The following CEP70 variants were observed in gnomAD, a reference collection of about 807,000 sequenced individuals.
CEP70 encodes centrosomal protein 70.
CEP70 carries 70 observed loss-of-function variants against 90.9 expected under a neutral mutation model. The observed-to-expected ratio is 0.77, with a 90% CI of 0.64 to 0.94. The LOEUF is 0.94. Ranked by LOEUF, CEP70 falls within the 40% of genes least tolerant of loss-of-function variation. The pLI is 0.00. For missense variants in CEP70, 648 were observed against 669.0 expected (o/e 0.97, Z 0.35); for synonymous variants, 220 against 228.3 (o/e 0.96, Z 0.33).
At chr3:138,563,256 C>T (rs540646275) in intron 6 of CEP70, among the ~76,000 whole-genome samples, 5 of 152,104 alleles carry the variant, frequency 3.3e-5, no homozygotes, top group African/African-American at 1.2e-4. Flanking sequence ...TAGTGGGAGA[C>T]TTTAACACCC....
intron 6 of CEP70, among the ~76,000 whole-genome samples, chr3:138,558,578 C>T (rs773417505): frequency 6.6e-6 from 1 of 152,020 alleles, no homozygotes; most frequent in Admixed American, 6.6e-5. Context: ...CACACTACAC[C>T]CTAGGAATAA....
At chr3:138,579,525 C>T (rs1176218914) in intron 2 of CEP70, among the ~76,000 whole-genome samples, 1 of 151,710 alleles carries the variant, frequency 6.6e-6, no homozygotes, top group Non-Finnish European at 1.5e-5. Context: ...GATACCAGCT[C>T]AGTCACAGTA....
chr3:138,564,870 T>G (rs2040671506), intron 6 of CEP70, among the ~76,000 whole-genome samples: 2 of 152,074 alleles, frequency 1.3e-5, no homozygotes, highest in Non-Finnish European at 2.9e-5. Context: ...GAGAAAGAAA[T>G]AAAGGGTATT....
chr3:138,573,884 A>ATTT, intron 2 of CEP70, among the ~76,000 whole-genome samples: 1 of 152,268 alleles, frequency 6.6e-6, no homozygotes, highest in African/African-American at 2.4e-5. Flanking sequence ...ACATCCACTG[A>ATTT]AGAACTGAAC....
At chr3:138,572,586 A>G (rs1355762798) in intron 3 of CEP70, among the ~76,000 whole-genome samples, 1 of 152,224 alleles carries the variant, frequency 6.6e-6, no homozygotes, top group Non-Finnish European at 1.5e-5. Context: ...TGGGAATGGC[A>G]TTTTCCAAAG....
intron 17 of CEP70, chr3:138,497,717 C>A (rs770636984): frequency 1.0e-6 from 1 of 985,146 alleles, no homozygotes; most frequent in African/African-American, 1.7e-5. Context: ...CTTCTAAGAT[C>A]ATAAATCCTA....
intron 11 of CEP70, among the ~76,000 whole-genome samples, chr3:138,524,410 A>C (rs1373255045): frequency 6.6e-6 from 1 of 152,220 alleles, no homozygotes; most frequent in Non-Finnish European, 1.5e-5. Context: ...CTGCACAGCA[A>C]AAGAAACTAC....
At chr3:138,535,233 T>G (rs1560356055) in intron 7 of CEP70, among the ~76,000 whole-genome samples, 1 of 152,198 alleles carries the variant, frequency 6.6e-6, no homozygotes, top group Non-Finnish European at 1.5e-5. Flanking sequence ...TTTCTCTAAT[T>G]GAAACATCCT....
chr3:138,498,262 TGTTA>T (rs1434128148), intron 16 of CEP70, 152 bp from the exon 17 acceptor site: 1 of 582,748 alleles, frequency 1.7e-6, no homozygotes. Context: ...CTGAGCTTTT[TGTTA>T]ATCCAATATC....
intron 16 of CEP70, among the ~76,000 whole-genome samples, chr3:138,498,985 G>A (rs1194634924): frequency 6.6e-6 from 1 of 151,894 alleles, no homozygotes; most frequent in Non-Finnish European, 1.5e-5. Context: ...GGCGGAGGTT[G>A]CAGTGAGCTG....
intron 8 of CEP70, among the ~76,000 whole-genome samples, chr3:138,531,914 A>G (rs927621860): frequency 6.6e-6 from 1 of 152,184 alleles, no homozygotes; most frequent in East Asian, 1.9e-4. Flanking sequence ...GCTCAAATAA[A>G]TATTTGTTAA....
intron 16 of CEP70, among the ~76,000 whole-genome samples, chr3:138,498,805 T>C (rs564645558): frequency 1.3e-5 from 2 of 151,852 alleles, no homozygotes; most frequent in African/African-American, 4.8e-5. Context: ...CCCAGCACTT[T>C]GGAGGCCAAG....
rs570308804 is a variant in CEP70, at chr3:138,531,092, ATACTT to A, written c.692+1417_692+1421del. Among the ~76,000 whole-genome samples the A allele has an allele frequency of 9.2e-5, 14 of 152,274 alleles. No homozygotes were observed. In the South Asian group the frequency reaches 1.4e-3, roughly 16 times the overall value. On this transcript the variant is annotated intron_variant, in intron 8 of 17. Coordinates refer to ENST00000264982, the MANE Select transcript of CEP70 (RefSeq NM_024491.4). ...CCAAGGATAATTTGTATAGGCCAAA[ATACTT>A]TACTTCAGCTAGACAATTGATGAAA...
intron 2 of CEP70, among the ~76,000 whole-genome samples, chr3:138,591,509 T>G (rs891691472): frequency 2.6e-5 from 4 of 152,196 alleles, no homozygotes; most frequent in Non-Finnish European, 4.4e-5. Context: ...TACTAATCTC[T>G]GTGTGCTTCA....
chr3:138,519,351 G>C (rs1055988066), intron 11 of CEP70, among the ~76,000 whole-genome samples: 1 of 152,072 alleles, frequency 6.6e-6, no homozygotes, highest in Non-Finnish European at 1.5e-5. Context: ...GATACTCCTC[G>C]AGAAGAGCAA....
chr3:138,589,008 T>C (rs1282328259), intron 2 of CEP70, among the ~76,000 whole-genome samples: 2 of 152,000 alleles, frequency 1.3e-5, no homozygotes, highest in Admixed American at 6.6e-5. Context: ...CTCTAGAAAA[T>C]GAAAACCAAC....
chr3:138,541,973 A>C (rs546405773), intron 6 of CEP70, among the ~76,000 whole-genome samples: 1 of 151,900 alleles, frequency 6.6e-6, no homozygotes, highest in African/African-American at 2.4e-5. Flanking sequence ...CCAGCCAGAA[A>C]CCTCTGTGGC....
At chr3:138,541,586 C>T (rs1392840862) in intron 6 of CEP70, among the ~76,000 whole-genome samples, 1 of 152,052 alleles carries the variant, frequency 6.6e-6, no homozygotes. Flanking sequence ...AAGGACACCA[C>T]ATGCAAAAAC....
chr3:138,499,024 C>A (rs1249321683), intron 16 of CEP70, among the ~76,000 whole-genome samples: 3 of 147,082 alleles, frequency 2.0e-5, no homozygotes, highest in Non-Finnish European at 4.5e-5. Flanking sequence ...CCAGCCTGGG[C>A]AACAGAGTGA....
Sources: gnomAD v4.1 joint callset for allele counts (sites outside exome capture counted in the v4.1 genomes callset) on GRCh38, gnomAD v4.1.1 for gene constraint, MANE v1.5 for transcripts, NCBI Gene and HGNC (gene_info 2026-07-23, HGNC 2026-07-21) for gene names.